The following RHBDD1 variants were observed in gnomAD, a reference collection of about 807,000 sequenced individuals.
RHBDD1 encodes rhomboid domain containing 1, also known as rhomboid-related protein 4.
In RHBDD1, 38 loss-of-function variants were observed where a neutral mutation model predicts 36.3. The observed-to-expected ratio is 1.05, with a 90% CI of 0.81 to 1.37. The LOEUF (loss-of-function observed/expected upper bound fraction) is 1.37, where lower values mean the gene tolerates loss of function less well. RHBDD1 is among the 40% of genes most tolerant of loss of function. RHBDD1 has a pLI of 0.00. For synonymous variants in RHBDD1, 151 were observed against 136.5 expected (o/e 1.11, Z -0.74); for missense variants, 393 against 377.6 (o/e 1.04, Z -0.34).
the RHBDD1 span, among the ~76,000 whole-genome samples, chr2:226,828,948 A>T: frequency 1.3e-5 from 2 of 152,084 alleles, no homozygotes; most frequent in Admixed American, 1.3e-4. Flanking sequence ...TTTTCCTGTC[A>T]TATGTAGAAG....
intron 8 of RHBDD1, among the ~76,000 whole-genome samples, chr2:226,952,930 G>A (rs1951533047): frequency 6.6e-6 from 1 of 152,072 alleles, no homozygotes; most frequent in Admixed American, 6.6e-5. Flanking sequence ...TAGGGATGGG[G>A]TGGGATGGGA....
intron 5 of RHBDD1, among the ~76,000 whole-genome samples, chr2:226,879,393 C>T (rs1482334124): frequency 6.6e-6 from 1 of 152,150 alleles, no homozygotes; most frequent in Non-Finnish European, 1.5e-5. Flanking sequence ...AATTTATTGT[C>T]TTTTGTTAGA....
At chr2:226,977,611 C>T (rs1399042328) in intron 8 of RHBDD1, among the ~76,000 whole-genome samples, 2 of 152,144 alleles carry the variant, frequency 1.3e-5, no homozygotes, top group South Asian at 2.1e-4. Flanking sequence ...CAGGATCAAA[C>T]GCTGCACAGG....
intron 3 of RHBDD1, among the ~76,000 whole-genome samples, chr2:226,862,521 A>G (rs1167303516): frequency 1.3e-5 from 2 of 152,136 alleles, no homozygotes. Context: ...TTTTGCCCCT[A>G]ATAGCTACAC....
intron 3 of RHBDD1, among the ~76,000 whole-genome samples, chr2:226,847,759 A>G (rs2125047763): frequency 6.6e-6 from 1 of 152,370 alleles, no homozygotes; most frequent in South Asian, 2.1e-4. Flanking sequence ...CTGACCATGC[A>G]GCTTTCAGTG....
At chr2:226,876,706 C>T (rs1411703226) in intron 5 of RHBDD1, among the ~76,000 whole-genome samples, 2 of 151,790 alleles carry the variant, frequency 1.3e-5, no homozygotes, top group Non-Finnish European at 2.9e-5. Flanking sequence ...TTATTGAGGA[C>T]CTCAAAGAGT....
At chr2:226,958,571 G>A (rs1354705032) in intron 8 of RHBDD1, among the ~76,000 whole-genome samples, 1 of 152,126 alleles carries the variant, frequency 6.6e-6, no homozygotes, top group Non-Finnish European at 1.5e-5. Context: ...TGAAGCTGTT[G>A]AGTAAAATCT....
At chr2:226,975,790 G>A (rs1310060979) in intron 8 of RHBDD1, among the ~76,000 whole-genome samples, 1 of 152,192 alleles carries the variant, frequency 6.6e-6, no homozygotes, top group East Asian at 1.9e-4. Context: ...AGGAACTACA[G>A]ATTATTTAGA....
the RHBDD1 span, among the ~76,000 whole-genome samples, chr2:226,810,540 C>CAA: frequency 0.025 from 815 of 32,730 alleles, 46 homozygotes; most frequent in Non-Finnish European, 0.029. Flanking sequence ...GACTCCGTCT[C>CAA]AAAAAAAAAA....
At chr2:226,989,616 TG>T (rs1957737078) in intron 8 of RHBDD1, among the ~76,000 whole-genome samples, 1 of 152,182 alleles carries the variant, frequency 6.6e-6, no homozygotes, top group Admixed American at 6.5e-5. Flanking sequence ...TTTCTTTTTT[TG>T]GGAGGTGGGG....
At chr2:226,842,696 G>A (rs972929075) in intron 3 of RHBDD1, among the ~76,000 whole-genome samples, 8 of 152,142 alleles carry the variant, frequency 5.3e-5, no homozygotes, top group South Asian at 2.1e-4. Context: ...TAGCCTTTTA[G>A]TATAGTTTGA....
intron 8 of RHBDD1, among the ~76,000 whole-genome samples, chr2:226,974,587 G>T (rs766676516): frequency 1.1e-4 from 16 of 152,308 alleles, no homozygotes; most frequent in Non-Finnish European, 2.1e-4. Flanking sequence ...CTTCTTTAGA[G>T]TCACTTTTTC....
At chr2:226,934,429 C>T (rs921304909) in intron 8 of RHBDD1, among the ~76,000 whole-genome samples, 2 of 152,056 alleles carry the variant, frequency 1.3e-5, no homozygotes, top group Admixed American at 1.3e-4. Context: ...ACTGTCCTCT[C>T]AAACTTTTCT....
At chr2:226,909,067 G>A (rs1454156943) in intron 7 of RHBDD1, among the ~76,000 whole-genome samples, 189 bp downstream of exon 7, 2 of 152,114 alleles carry the variant, frequency 1.3e-5, no homozygotes, top group East Asian at 1.9e-4. Context: ...GTGGGGGTTG[G>A]TAGGGAAGGC....
chr2:226,937,662 T>C (rs1174243058), intron 8 of RHBDD1, among the ~76,000 whole-genome samples: 1 of 152,148 alleles, frequency 6.6e-6, no homozygotes, highest in Non-Finnish European at 1.5e-5. Flanking sequence ...TCTCATCATT[T>C]ATCTCTCACT....
rs1280978492 is a variant in RHBDD1, at chr2:226,909,334, G to T, written c.712+456G>T. 2.6e-5 allele frequency among the ~76,000 whole-genome samples: 4 copies of T among 152,106 alleles called. No homozygotes were observed. The East Asian group carries it at 7.7e-4, about 29-fold the overall frequency. On this transcript the variant is annotated intron_variant, in intron 7 of 8. Coordinates refer to ENST00000392062, the MANE Select transcript of RHBDD1 (RefSeq NM_001167608.3). The stretch of plus-strand genomic sequence containing the variant: ...GCCATGTGACTTAATGAGGAAGAAT[G>T]TATTTTTCTAAGTATCTGTGTAAAT...
rs531385317 is a variant in RHBDD1 at position 226,996,172 on chromosome 2, A to C, written c.*650A>C. ...GACCTAAGGTGGGGAAGACTCCTAC[A>C]CACACCATTAGTATCAGTGACACCA... On this transcript the variant is annotated 3_prime_UTR_variant, in exon 9 of 9. Coordinates refer to ENST00000392062, the MANE Select transcript of RHBDD1 (RefSeq NM_001167608.3). 1 of 152,746 alleles carries C rather than the reference A, an allele frequency of 6.5e-6. No individual in the cohort carries two copies. Among genetic ancestry groups the C allele is most frequent in the African/African-American group, 2.4e-5 (1 of 41,554 alleles). The allele number at this position is 152,746 out of a possible 1,614,324, so 9.5% of individuals were successfully genotyped here. A position where few individuals can be genotyped will look rare whatever the true frequency, so the allele number is the denominator to read the frequency against.
chr2:226,912,281 T>C (rs749044334), intron 7 of RHBDD1, among the ~76,000 whole-genome samples: 8 of 152,150 alleles, frequency 5.3e-5, no homozygotes, highest in South Asian at 2.1e-4. Flanking sequence ...ACAGCTACTT[T>C]GGAAAACATT....
At position 226,945,487 on chromosome 2, in the gene RHBDD1, A is replaced by G. The variant is rs144532756; in HGVS notation, c.856+31136A>G. On this transcript the variant is annotated intron_variant, in intron 8 of 8. Transcript: ENST00000392062. Reference sequence around the variant, plus strand: ...ATCCATGTCCCTGCAACAGACATGAACTCATCCTTTTTTATGGCTACATAG... The same window carrying G: ...ATCCATGTCCCTGCAACAGACATGAGCTCATCCTTTTTTATGGCTACATAG... Among the ~76,000 whole-genome samples, 765 of 152,080 alleles carry G rather than the reference A, an allele frequency of 5.0e-3. 5 individuals are homozygous for G. The highest frequency in any genetic ancestry group is 0.018 in the African/African-American group (728 of 41,466).
Sources: allele counts gnomAD v4.1 joint callset (sites outside exome capture counted in the v4.1 genomes callset), GRCh38; gene constraint gnomAD v4.1.1; transcripts MANE v1.5; gene names NCBI Gene and HGNC (gene_info 2026-07-23, HGNC 2026-07-21).